TBC1D8: variants seen among roughly 807,000 people sequenced by gnomAD.
TBC1D8 encodes the protein BUB2-like protein 1.
In TBC1D8, 65 loss-of-function variants were observed where a neutral mutation model predicts 118.8. The observed-to-expected ratio is 0.55, with a 90% CI of 0.45 to 0.67. The LOEUF (loss-of-function observed/expected upper bound fraction) is 0.67. Ranked by LOEUF, TBC1D8 falls within the 30% of genes least tolerant of loss-of-function variation. The pLI is 0.00. For missense variants in TBC1D8, 1,376 were observed against 1,471.2 expected (o/e 0.94, Z 1.06); for synonymous variants, 566 against 595.8 (o/e 0.95, Z 0.73).
chr2:101,029,327 TGTA>T (rs1680531147), intron 12 of TBC1D8, among the ~76,000 whole-genome samples, 161 bp downstream of exon 12: 1 of 151,458 alleles, frequency 6.6e-6, no homozygotes, highest in South Asian at 2.1e-4. Flanking sequence ...AGGCGGAGGT[TGTA>T]GTGAGCAGAT....
intron 1 of TBC1D8, among the ~76,000 whole-genome samples, chr2:101,117,874 CTTTT>C (rs35760018): frequency 3.4e-5 from 4 of 116,204 alleles, no homozygotes; most frequent in African/African-American, 9.9e-5. Flanking sequence ...CGCACCCGGC[CTTTT>C]TTTTTTTTTT....
intron 4 of TBC1D8, among the ~76,000 whole-genome samples, chr2:101,052,132 T>C (rs1445280215): frequency 6.6e-6 from 1 of 152,214 alleles, no homozygotes; most frequent in Non-Finnish European, 1.5e-5. Flanking sequence ...GTGTAAGCTA[T>C]GGGAAAAAGA....
In TBC1D8 at chr2:101,033,562, G is replaced by A; in HGVS notation, c.1800C>T (p.Pro600=). The change falls in exon 10 of 20, where the codon CCC becomes CCT. Residue 600 remains proline (P), a synonymous_variant. Coordinates refer to ENST00000409318, the MANE Select transcript of TBC1D8 (RefSeq NM_001330348.2). ...CTTTCACCTGGCAGTATCCAATCTT[G>A]GGGTTCCGGTGGGCATAGGCCGTCA... The part of the protein sequence containing the change: ...RVLTAYAHRN[P]KIGYCQSMNI... The A allele has an allele frequency of 1.2e-6, 2 of 1,613,874 alleles. No individual in the cohort carries two copies. Among genetic ancestry groups the A allele is most frequent in the East Asian group, 2.2e-5 (1 of 44,862 alleles).
At chr2:101,044,542 G>A (rs986635034) in intron 5 of TBC1D8, among the ~76,000 whole-genome samples, 13 of 152,182 alleles carry the variant, frequency 8.5e-5, no homozygotes, top group East Asian at 5.8e-4. Flanking sequence ...CTTTTCCTCC[G>A]TAGAGAAGAA....
intron 2 of TBC1D8, among the ~76,000 whole-genome samples, chr2:101,067,372 T>C (rs1214254308): frequency 6.6e-6 from 1 of 152,212 alleles, no homozygotes; most frequent in Non-Finnish European, 1.5e-5. Flanking sequence ...AACACAGTTT[T>C]CACAGACTGT....
At chr2:101,053,202 A>G (rs975202544) in intron 4 of TBC1D8, among the ~76,000 whole-genome samples, 4 of 152,274 alleles carry the variant, frequency 2.6e-5, no homozygotes, top group African/African-American at 9.6e-5. Context: ...GGCTAAGTAC[A>G]GAGAAAGGAA....
At chr2:101,131,264 G>A (rs941855298) in intron 1 of TBC1D8, among the ~76,000 whole-genome samples, 1 of 152,092 alleles carries the variant, frequency 6.6e-6, no homozygotes, top group African/African-American at 2.4e-5. Flanking sequence ...TGTAATCCCA[G>A]CACTTTGGGA....
intron 6 of TBC1D8, 75 bp from the exon 7 acceptor site, chr2:101,038,730 C>A: frequency 6.6e-7 from 1 of 1,525,424 alleles, no homozygotes; most frequent in South Asian, 1.2e-5. Flanking sequence ...CAGAAGATGT[C>A]CCGAAACAGA....
At chr2:101,032,435 C>G (rs1680726323) in intron 10 of TBC1D8, 50 bp from the exon 11 acceptor site, 1 of 1,521,370 alleles carries the variant, frequency 6.6e-7, no homozygotes, top group Non-Finnish European at 9.1e-7. Context: ...TGTGATGCCA[C>G]AGAGATGTTA....
At chr2:101,059,398 A>G (rs1194336004) in intron 3 of TBC1D8, 23 bp downstream of exon 3, 1 of 1,545,988 alleles carries the variant, frequency 6.5e-7, no homozygotes, top group East Asian at 2.2e-5. Flanking sequence ...GATGGGGAGA[A>G]ACATGAAACT....
chr2:101,111,693 T>A lies in TBC1D8; in HGVS notation c.128-21329A>T, dbSNP rs17025277. Among the ~76,000 whole-genome samples the A allele has an allele frequency of 1.0e-2, 1,522 of 152,264 alleles. 41 individuals are homozygous for A. The highest frequency in any genetic ancestry group is 0.034 in the African/African-American group (1,399 of 41,536). The stretch of plus-strand genomic sequence containing the variant: ...CGAGTTACGCTACCTGGACTGACTG[T>A]CTGATTCACACTGAATTACAGGAGG... On this transcript the variant is annotated intron_variant, in intron 1 of 19. Transcript: ENST00000409318.
intron 11 of TBC1D8, among the ~76,000 whole-genome samples, chr2:101,032,036 T>C (rs552881767): frequency 6.6e-6 from 1 of 152,358 alleles, no homozygotes; most frequent in African/African-American, 2.4e-5. Context: ...ATCCCGACTC[T>C]GTAGGTCTTT....
intron 17 of TBC1D8, chr2:101,018,036 C>T: frequency 9.1e-7 from 1 of 1,098,492 alleles, no homozygotes; most frequent in Non-Finnish European, 1.3e-6. Flanking sequence ...CATATCAACC[C>T]CTTTTTCACT....
At position 101,090,454 on chromosome 2, in the gene TBC1D8, C is replaced by G; in HGVS notation, c.128-90G>C. The G allele has an allele frequency of 4.3e-6, 6 of 1,392,726 alleles. No homozygotes were observed. In the South Asian group the frequency reaches 6.3e-5, roughly 15 times the overall value. The allele number at this position is 1,392,726 out of a possible 1,614,324, so 86.3% of individuals were successfully genotyped here. On this transcript the variant is annotated intron_variant, in intron 1 of 19. Coordinates refer to ENST00000409318, the MANE Select transcript of TBC1D8 (RefSeq NM_001330348.2). ...GAGGCATGTGGTCGCTGTCTGGACT[C>G]CATGCTGGGGTAGCAGAGACAGTTT...
chr2:101,133,073 T>C (rs571839966), intron 1 of TBC1D8, among the ~76,000 whole-genome samples: 29 of 150,852 alleles, frequency 1.9e-4, no homozygotes, highest in Non-Finnish European at 2.7e-4. Flanking sequence ...GGCAGGAGAA[T>C]TGCTTGAACC....
In TBC1D8 at chr2:101,045,429, C is replaced by T. The variant is rs539754004; in HGVS notation, c.872+4972G>A. The stretch of plus-strand genomic sequence containing the variant: ...CCAACTCTTGCTCCCTCTGGTCATT[C>T]GGCCCGCATCCAAGAGCCTACTGTG... On this transcript the variant is annotated intron_variant, in intron 5 of 19. Coordinates refer to ENST00000409318, the MANE Select transcript of TBC1D8 (RefSeq NM_001330348.2). 9.8e-5 allele frequency among the ~76,000 whole-genome samples: 15 copies of T among 152,318 alleles called. No homozygotes were observed. The South Asian group carries it at 1.9e-3, about 19-fold the overall frequency.
rs1390828501 is a variant in TBC1D8 at position 101,150,544 on chromosome 2, G to GA, written c.127+582dup. Among the ~76,000 whole-genome samples, 8 of 152,284 alleles carry GA rather than the reference G, an allele frequency of 5.3e-5. No individual in the cohort carries two copies. The East Asian group carries it at 5.8e-4, about 11-fold the overall frequency. On this transcript the variant is annotated intron_variant, in intron 1 of 19. Coordinates refer to ENST00000409318, the MANE Select transcript of TBC1D8 (RefSeq NM_001330348.2). ...TTCCTTGTAAGACACTGAAAGAGAG[G>GA]AAAAAACTGATCTGTTCAATTTCTC...
intron 2 of TBC1D8, among the ~76,000 whole-genome samples, chr2:101,089,643 T>C (rs897495143): frequency 1.3e-5 from 2 of 151,898 alleles, no homozygotes; most frequent in Admixed American, 6.6e-5. Flanking sequence ...AGGTGGAACA[T>C]GGGGTCAAGA....
intron 19 of TBC1D8, among the ~76,000 whole-genome samples, chr2:101,010,207 C>T (rs565229529): frequency 6.6e-6 from 1 of 152,246 alleles, no homozygotes; most frequent in South Asian, 2.1e-4. Context: ...CTGAATATGG[C>T]ACAACCCTTT....
Sources: allele counts gnomAD v4.1 joint callset (sites outside exome capture counted in the v4.1 genomes callset), GRCh38; gene constraint gnomAD v4.1.1; transcripts MANE v1.5; gene names NCBI Gene and HGNC (gene_info 2026-07-23, HGNC 2026-07-21).